Variants in DZIP1L observed in about 807,000 individuals in gnomAD.
The protein encoded by DZIP1L is DAZ interacting zinc finger protein 1 like, also known as cilium assembly protein DZIP1L.
DZIP1L carries 90 observed loss-of-function variants against 88.7 expected under a neutral mutation model. The observed-to-expected ratio is 1.02, with a 90% CI of 0.86 to 1.21. The LOEUF (loss-of-function observed/expected upper bound fraction) is 1.21, where lower values mean the gene tolerates loss of function less well. Ranked by LOEUF, DZIP1L falls within the 50% of genes most tolerant of loss-of-function variation. The pLI is 0.00. For missense variants in DZIP1L, 932 were observed against 955.8 expected, an observed-to-expected ratio of 0.98 and a Z score of 0.33; for synonymous variants, 363 against 372.1, an observed-to-expected ratio of 0.98 and a Z score of 0.28.
At chr3:138,103,326 A>T in intron 2 of DZIP1L, 145 bp downstream of exon 2, 1 of 866,896 alleles carries the variant, frequency 1.2e-6, no homozygotes, top group Non-Finnish European at 1.8e-6. Flanking sequence ...GGCCATGAGC[A>T]GCATCTCTGA....
At chr3:138,079,569 A>G (rs1943555249) in intron 10 of DZIP1L, among the ~76,000 whole-genome samples, 1 of 152,246 alleles carries the variant, frequency 6.6e-6, no homozygotes, top group Non-Finnish European at 1.5e-5. Context: ...AAGAATGGGT[A>G]CACACATGTG....
chr3:138,101,523 G>T (rs368663958), intron 2 of DZIP1L: 11 of 795,764 alleles, frequency 1.4e-5, no homozygotes, highest in South Asian at 1.1e-4. Context: ...GCTTCCCATC[G>T]CAAGTCTCTA....
intron 3 of DZIP1L, 114 bp from the exon 4 acceptor site, chr3:138,095,097 G>A: frequency 6.7e-7 from 1 of 1,495,304 alleles, no homozygotes; most frequent in East Asian, 2.3e-5. Flanking sequence ...TCGCTACTTA[G>A]TACGTTGACA....
chr3:138,063,439 G>A lies in DZIP1L; in HGVS notation c.2143-462C>T, dbSNP rs1399844095. ...TCCTGACTGAAGGAGCATGAGAGGA[G>A]CTTGGGAGCAACAGGAGTCCTTCAG... On this transcript the variant is annotated intron_variant, in intron 15 of 15. Coordinates refer to ENST00000327532, the MANE Select transcript of DZIP1L (RefSeq NM_173543.3). The surrounding 1 kb of genome is among the most constrained non-coding windows in gnomAD (Gnocchi z 4.1). Among the ~76,000 whole-genome samples the A allele has an allele frequency of 6.6e-6, 1 of 152,234 alleles. No individual in the cohort carries two copies. Among genetic ancestry groups the A allele is most frequent in the African/African-American group, 2.4e-5 (1 of 41,468 alleles).
At chr3:138,089,367 A>T (rs577609382) in intron 5 of DZIP1L, 1 of 673,898 alleles carries the variant, frequency 1.5e-6, no homozygotes, top group South Asian at 6.7e-5. Context: ...ATGACACACC[A>T]CAGAGCTGAC....
At chr3:138,109,948 G>A (rs191380309) in intron 1 of DZIP1L, among the ~76,000 whole-genome samples, 80 of 150,810 alleles carry the variant, frequency 5.3e-4, no homozygotes, top group African/African-American at 1.7e-3. Context: ...ATCACACACC[G>A]GGCTTCCTGA....
intron 9 of DZIP1L, 138 bp from the exon 10 acceptor site, chr3:138,080,758 A>G: frequency 1.4e-6 from 1 of 738,844 alleles, no homozygotes; most frequent in Non-Finnish European, 2.2e-6. Context: ...GGAGAGAGGC[A>G]GGACAGAGCA....
At chr3:138,081,297 A>G (rs921595826) in intron 9 of DZIP1L, among the ~76,000 whole-genome samples, 9 of 152,192 alleles carry the variant, frequency 5.9e-5, no homozygotes, top group African/African-American at 2.2e-4. Context: ...CCCACACCAG[A>G]GTACCCAAGA....
chr3:138,114,689 T>C (rs1203735378), intron 1 of DZIP1L, among the ~76,000 whole-genome samples: 1 of 152,106 alleles, frequency 6.6e-6, no homozygotes, highest in Non-Finnish European at 1.5e-5. Context: ...GCCTAGGCCC[T>C]GGGCCCCTAG....
chr3:138,103,702 C>A lies in DZIP1L; in HGVS notation c.270G>T (p.Ala90=). The A allele has an allele frequency of 6.2e-7, 1 of 1,612,644 alleles. No individual in the cohort carries two copies. The highest frequency in any genetic ancestry group is 1.1e-5 in the South Asian group (1 of 91,078). The change falls in exon 2 of 16, where the codon GCG becomes GCT. Residue 90 remains alanine, a synonymous_variant. Coordinates refer to ENST00000327532, the MANE Select transcript of DZIP1L (RefSeq NM_173543.3). ...GCAGCAGGTACTCAATGATGAGCTG[C>A]GCCAGGCGCAGCACCTTGAGCAGTG... ...DPALLKVLRL[A]QLIIEYLLHC...
chr3:138,103,032 G>C (rs2042367584), intron 2 of DZIP1L: 1 of 439,152 alleles, frequency 2.3e-6, no homozygotes, highest in African/African-American at 2.0e-5. Context: ...ACATGCTCCA[G>C]AGTTGTATCC....
At chr3:138,082,616 C>G (rs1203089678) in intron 8 of DZIP1L, among the ~76,000 whole-genome samples, 1 of 152,216 alleles carries the variant, frequency 6.6e-6, no homozygotes, top group African/African-American at 2.4e-5. Context: ...CTCCATCTAC[C>G]CTTATGACAA....
intron 10 of DZIP1L, among the ~76,000 whole-genome samples, chr3:138,078,851 T>G (rs1432781026): frequency 6.6e-6 from 1 of 152,190 alleles, no homozygotes; most frequent in East Asian, 1.9e-4. Flanking sequence ...CACTCCATGT[T>G]CTGCTTTAGG....
intron 8 of DZIP1L, 75 bp from the exon 9 acceptor site, chr3:138,081,839 C>A: frequency 6.6e-7 from 1 of 1,514,686 alleles, no homozygotes; most frequent in Non-Finnish European, 9.0e-7. Flanking sequence ...GCAGTGTCTG[C>A]CTAGCACAGT....
intron 12 of DZIP1L, 69 bp downstream of exon 12, chr3:138,071,574 C>A (rs1943180709): frequency 1.3e-6 from 2 of 1,533,804 alleles, no homozygotes; most frequent in Admixed American, 4.0e-5. Context: ...TCCTCATGTG[C>A]AAACAAGTTT....
In DZIP1L at chr3:138,068,166, G is replaced by A. The variant is rs148944158; in HGVS notation, c.1817C>T (p.Ser606Leu). 79 of 1,513,494 alleles carry A rather than the reference G, an allele frequency of 5.2e-5. No homozygotes were observed. Among genetic ancestry groups the A allele is most frequent in the Middle Eastern group, 2.1e-4 (1 of 4,684 alleles). 93.8% of individuals were successfully genotyped at this position (1,513,494 alleles called of 1,614,324 possible). ...TGGGGCTCACCTCATCCCGGGCCCC[G>A]AGGAAGGAGGGGTGCTGGAGGGTCC... ...LHGPSSTPPS[S>L]GPGMSTPPFS... Residue 606 changes from serine to leucine, a missense_variant, in exon 13 of 16, where the codon TCG becomes TTG. Transcript: ENST00000327532.
chr3:138,099,347 T>C (rs941742930), intron 2 of DZIP1L, among the ~76,000 whole-genome samples: 48 of 152,210 alleles, frequency 3.2e-4, no homozygotes, highest in African/African-American at 1.1e-3. Context: ...TTAATGTTAG[T>C]GTATTTTATG....
At chr3:138,071,931 G>A (rs549297453) in intron 11 of DZIP1L, 96 bp from the exon 12 acceptor site, 9 of 1,214,958 alleles carry the variant, frequency 7.4e-6, no homozygotes, top group Admixed American at 2.5e-5. Context: ...CTGGGAGTCT[G>A]TGATCAGTGC....
chr3:138,080,962 T>C (rs1943618611), intron 9 of DZIP1L, among the ~76,000 whole-genome samples: 1 of 152,148 alleles, frequency 6.6e-6, no homozygotes, highest in Non-Finnish European at 1.5e-5. Flanking sequence ...ATGTCTATTA[T>C]CAATGGCTCT....
Sources: gnomAD v4.1 joint callset for allele counts (sites outside exome capture counted in the v4.1 genomes callset) on GRCh38, gnomAD v4.1.1 for gene constraint, Gnocchi (gnomAD v3.1) non-coding constraint, MANE v1.5 for transcripts, NCBI Gene and HGNC (gene_info 2026-07-23, HGNC 2026-07-21) for gene names.